Variants in USH2A observed in about 807,000 individuals in gnomAD.
USH2A encodes Usher syndrome 2A (autosomal recessive, mild).
USH2A carries 443 observed loss-of-function variants against 538.9 expected under a neutral mutation model. That is an observed-to-expected ratio of 0.82 (90% CI 0.76 to 0.89). USH2A has a LOEUF of 0.89. USH2A is among the 40% of genes least tolerant of loss of function. The probability of loss-of-function intolerance (pLI) is 0.00; values close to 1 mark genes in which losing one functional copy is unlikely to be tolerated. For missense variants in USH2A, 6,633 were observed against 6,324.8 expected, an observed-to-expected ratio of 1.05 and a Z score of -1.65; for synonymous variants, 2,413 against 2,273.5, an observed-to-expected ratio of 1.06 and a Z score of -1.75.
At chr1:216,128,619 GT>G (rs1264387736) in intron 21 of USH2A, among the ~76,000 whole-genome samples, 3 of 151,728 alleles carry the variant, frequency 2.0e-5, no homozygotes, top group Non-Finnish European at 1.5e-5. Context: ...AATTTTCATG[GT>G]TACTTAATAG....
intron 37 of USH2A, among the ~76,000 whole-genome samples, chr1:215,958,362 C>G (rs771899633): frequency 6.6e-5 from 10 of 152,050 alleles, no homozygotes; most frequent in Non-Finnish European, 1.5e-4. Flanking sequence ...GAAGGTAAGC[C>G]TATTCTGGGT....
At chr1:215,878,676 A>T in intron 42 of USH2A, 88 bp downstream of exon 42, 1 of 1,345,660 alleles carries the variant, frequency 7.4e-7, no homozygotes, top group Non-Finnish European at 1.0e-6. Context: ...TTCTATGTTC[A>T]TATAGGAATA....
intron 23 of USH2A, 61 bp downstream of exon 23, chr1:216,088,952 G>C: frequency 6.2e-7 from 1 of 1,603,796 alleles, no homozygotes; most frequent in Non-Finnish European, 8.5e-7. Context: ...ATAAACAACA[G>C]AAAAGTATGG....
At chr1:215,678,497 T>C (rs1658109214) in intron 62 of USH2A, among the ~76,000 whole-genome samples, 1 of 152,250 alleles carries the variant, frequency 6.6e-6, no homozygotes, top group African/African-American at 2.4e-5. Flanking sequence ...CATGACTAAC[T>C]CTGTCTTGTC....
chr1:215,649,766 G>A (rs942111704), intron 65 of USH2A, among the ~76,000 whole-genome samples: 2 of 152,108 alleles, frequency 1.3e-5, no homozygotes, highest in African/African-American at 2.4e-5. Context: ...GTAATACCAG[G>A]ATCTGCACAA....
chr1:215,743,677 G>A lies in USH2A; in HGVS notation c.11390-342C>T, dbSNP rs527692532. On this transcript the variant is annotated intron_variant, in intron 58 of 71. Transcript: ENST00000307340. ...CCCTGTAAAAATACAGAAATTAGCC[G>A]GGCATAGTGGTGTGTGCCTGTAATC... 4.0e-4 allele frequency among the ~76,000 whole-genome samples: 61 copies of A among 151,084 alleles called. 1 individual carries two copies. Among genetic ancestry groups the A allele is most frequent in the African/African-American group, 1.2e-3 (51 of 41,240 alleles).
Position 216,369,879 on chromosome 1 carries a change from C to T in USH2A, c.652-4794G>A, listed in dbSNP as rs140723263. On this transcript the variant is annotated intron_variant, in intron 3 of 71. Coordinates refer to ENST00000307340, the MANE Select transcript of USH2A (RefSeq NM_206933.4). ...CAGAGGTTGCAGTGAGCCAAGATGG[C>T]GCCATTGCACTACAGCCTGGGTGAC... Among the ~76,000 whole-genome samples, 712 of 146,388 alleles carry T rather than the reference C, an allele frequency of 4.9e-3. 8 individuals are homozygous for T. Among genetic ancestry groups the T allele is most frequent in the African/African-American group, 0.017 (672 of 38,474 alleles).
At chr1:216,058,828 G>A (rs2031075039) in intron 30 of USH2A, among the ~76,000 whole-genome samples, 1 of 152,158 alleles carries the variant, frequency 6.6e-6, no homozygotes, top group African/African-American at 2.4e-5. Context: ...AGCTACATTT[G>A]CTAATTGAAA....
At chr1:215,703,930 A>G (rs971982451) in intron 61 of USH2A, among the ~76,000 whole-genome samples, 1 of 152,072 alleles carries the variant, frequency 6.6e-6, no homozygotes, top group Non-Finnish European at 1.5e-5. Context: ...CTTGAAACCC[A>G]GGGCCCTGGT....
intron 50 of USH2A, among the ~76,000 whole-genome samples, chr1:215,794,728 G>T (rs1037914201): frequency 2.4e-4 from 37 of 152,350 alleles, no homozygotes; most frequent in African/African-American, 8.4e-4. Context: ...AGCTTATCTT[G>T]ATTCGCAAGA....
At chr1:216,254,947 A>G (rs978257524) in intron 11 of USH2A, among the ~76,000 whole-genome samples, 2 of 152,180 alleles carry the variant, frequency 1.3e-5, no homozygotes, top group Non-Finnish European at 2.9e-5. Context: ...ACATTTCTAC[A>G]CCTAGCTGCC....
At chr1:216,355,354 A>AGAAAGAAG (rs2038370246) in intron 4 of USH2A, among the ~76,000 whole-genome samples, 6 of 148,942 alleles carry the variant, frequency 4.0e-5, no homozygotes, top group Non-Finnish European at 3.0e-5. Flanking sequence ...AAAGAAAGAA[A>AGAAAGAAG]GAAAGAAAGA....
intron 38 of USH2A, among the ~76,000 whole-genome samples, chr1:215,931,329 T>C (rs1666357679): frequency 1.3e-5 from 2 of 152,006 alleles, no homozygotes; most frequent in South Asian, 4.1e-4. Flanking sequence ...TAAGAGATGA[T>C]GTATCCTGGT....
chr1:216,174,295 T>C, intron 21 of USH2A: 1 of 976,182 alleles, frequency 1.0e-6, no homozygotes, highest in Non-Finnish European at 1.2e-6. Context: ...TGAGTTTACA[T>C]AATAATATAT....
intron 60 of USH2A, among the ~76,000 whole-genome samples, chr1:215,731,966 T>C (rs1243435708): frequency 1.3e-5 from 2 of 152,246 alleles, no homozygotes; most frequent in Non-Finnish European, 2.9e-5. Context: ...CTATTTCATT[T>C]TGTAAAGTGG....
chr1:216,291,454 AAAATTCATTGTCTT>A (rs2037000557), intron 10 of USH2A, among the ~76,000 whole-genome samples: 1 of 151,862 alleles, frequency 6.6e-6, no homozygotes, highest in South Asian at 2.1e-4. Flanking sequence ...CCAAAGACAG[AAAATTCATTGTCTT>A]ATTCATCTTC....
intron 3 of USH2A, among the ~76,000 whole-genome samples, chr1:216,384,310 T>C (rs1442606838): frequency 6.6e-6 from 1 of 152,022 alleles, no homozygotes; most frequent in Non-Finnish European, 1.5e-5. Context: ...TACACAGCTA[T>C]TACCCAGAAG....
At chr1:215,742,680 A>C (rs1055148252) in intron 59 of USH2A, among the ~76,000 whole-genome samples, 2 of 152,158 alleles carry the variant, frequency 1.3e-5, no homozygotes, top group Admixed American at 6.5e-5. Context: ...TTCACTGACC[A>C]CAGCCTAAGC....
intron 61 of USH2A, among the ~76,000 whole-genome samples, chr1:215,718,036 C>A (rs982642934): frequency 6.6e-6 from 1 of 152,102 alleles, no homozygotes; most frequent in Non-Finnish European, 1.5e-5. Flanking sequence ...CCCTCTGTGA[C>A]AAAGATAGAA....
Sources: gnomAD v4.1 joint callset for allele counts (sites outside exome capture counted in the v4.1 genomes callset) on GRCh38, gnomAD v4.1.1 for gene constraint, MANE v1.5 for transcripts, NCBI Gene and HGNC (gene_info 2026-07-23, HGNC 2026-07-21) for gene names.